Variants in MYT1L observed in about 807,000 individuals in gnomAD.
MYT1L encodes myelin transcription factor 1 like, also known as myelin transcription factor 1-like protein.
In MYT1L, 12 loss-of-function variants were observed where a neutral mutation model predicts 126.7. The observed-to-expected ratio is 0.09, with a 90% CI of 0.06 to 0.15. The LOEUF (loss-of-function observed/expected upper bound fraction) is 0.15, where lower values mean the gene tolerates loss of function less well. Among genes scored for constraint, MYT1L ranks in the 10% least tolerant of loss-of-function variants. MYT1L has a pLI of 1.00. For synonymous variants in MYT1L, 541 were observed against 604.2 expected (o/e 0.90, Z 1.53); for missense variants, 979 against 1,585.2 (o/e 0.62, Z 6.49).
chr2:2,229,723 T>C (rs755659405), intron 2 of MYT1L, among the ~76,000 whole-genome samples: 38 of 152,266 alleles, frequency 2.5e-4, no homozygotes, highest in Middle Eastern at 3.4e-3. Flanking sequence ...TATATGTATG[T>C]ATATGCATAT....
intron 4 of MYT1L, among the ~76,000 whole-genome samples, chr2:2,042,013 C>T (rs2067607221): frequency 6.6e-6 from 1 of 152,152 alleles, no homozygotes; most frequent in Admixed American, 6.5e-5. Context: ...GTTTTGTTTT[C>T]AAGACGGTAG....
intron 2 of MYT1L, among the ~76,000 whole-genome samples, chr2:2,261,355 G>A (rs867858313): frequency 7.9e-5 from 12 of 152,004 alleles, no homozygotes; most frequent in Admixed American, 2.0e-4. Flanking sequence ...TAGACAAATC[G>A]GAAATGAAGA....
chr2:1,988,207 C>T (rs2061199128), intron 5 of MYT1L, among the ~76,000 whole-genome samples: 2 of 152,068 alleles, frequency 1.3e-5, no homozygotes, highest in South Asian at 2.1e-4. Context: ...AACGGTGCCA[C>T]ATTCCAACCC....
At chr2:2,314,542 C>CT (rs1045522421) in intron 1 of MYT1L, among the ~76,000 whole-genome samples, 4 of 152,186 alleles carry the variant, frequency 2.6e-5, no homozygotes, top group African/African-American at 9.6e-5. Flanking sequence ...TCTGTGATTT[C>CT]TTTTTTTAAA....
intron 3 of MYT1L, among the ~76,000 whole-genome samples, chr2:2,116,356 C>A (rs1411939179): frequency 6.6e-6 from 1 of 152,206 alleles, no homozygotes; most frequent in South Asian, 2.1e-4. Context: ...AGATGTTCTT[C>A]CCAACCTGCA....
intron 3 of MYT1L, among the ~76,000 whole-genome samples, chr2:2,060,092 A>T (rs371249592): frequency 4.6e-5 from 7 of 152,226 alleles, no homozygotes; most frequent in Non-Finnish European, 8.8e-5. Flanking sequence ...ACAAACTTCT[A>T]TCTGTCATCT....
intron 8 of MYT1L, among the ~76,000 whole-genome samples, chr2:1,952,088 G>T (rs2057808500): frequency 6.6e-6 from 1 of 152,088 alleles, no homozygotes; most frequent in Non-Finnish European, 1.5e-5. Flanking sequence ...AGGCATAGCT[G>T]ATTTGAAAAC....
chr2:2,299,011 C>T (rs1203197957), intron 1 of MYT1L, among the ~76,000 whole-genome samples: 1 of 152,168 alleles, frequency 6.6e-6, no homozygotes, highest in Non-Finnish European at 1.5e-5. Context: ...CACCACCACA[C>T]CTGGCTAATT....
At chr2:2,315,949 G>A (rs532511675) in intron 1 of MYT1L, among the ~76,000 whole-genome samples, 1 of 151,964 alleles carries the variant, frequency 6.6e-6, no homozygotes, top group Non-Finnish European at 1.5e-5. Flanking sequence ...ATTTTCATAT[G>A]AGAAGCATTT....
intron 19 of MYT1L, among the ~76,000 whole-genome samples, chr2:1,845,165 G>C (rs2042331857): frequency 6.6e-6 from 1 of 152,068 alleles, no homozygotes; most frequent in South Asian, 2.1e-4. Context: ...TTTTAGTAGA[G>C]ATGACGTTTC....
intron 2 of MYT1L, among the ~76,000 whole-genome samples, chr2:2,179,283 T>C (rs916191690): frequency 1.3e-5 from 2 of 152,122 alleles, no homozygotes; most frequent in Admixed American, 1.3e-4. Context: ...CCCAGATAAA[T>C]CCCAGTCAGA....
chr2:1,814,402 G>A (rs2037309033), intron 21 of MYT1L, among the ~76,000 whole-genome samples: 1 of 152,200 alleles, frequency 6.6e-6, no homozygotes, highest in Non-Finnish European at 1.5e-5. Context: ...ACGTGGACAT[G>A]GGCGGTTCCC....
At chr2:1,965,998 G>C (rs1047490391) in intron 8 of MYT1L, among the ~76,000 whole-genome samples, 2 of 152,276 alleles carry the variant, frequency 1.3e-5, no homozygotes, top group African/African-American at 4.8e-5. Flanking sequence ...CTGCACTGCG[G>C]CTCTGCCTGC....
chr2:2,136,318 A>G (rs1192852845), intron 3 of MYT1L, among the ~76,000 whole-genome samples: 1 of 152,198 alleles, frequency 6.6e-6, no homozygotes, highest in Admixed American at 6.6e-5. Flanking sequence ...GAAAGAGTTA[A>G]TATGTTACCA....
intron 2 of MYT1L, among the ~76,000 whole-genome samples, chr2:2,206,415 T>A (rs556815641): frequency 6.6e-6 from 1 of 152,196 alleles, no homozygotes; most frequent in Non-Finnish European, 1.5e-5. Context: ...AAAACGTCCA[T>A]GATATTAGAA....
At chr2:1,985,014 C>T (rs1286402495) in intron 5 of MYT1L, among the ~76,000 whole-genome samples, 1 of 152,134 alleles carries the variant, frequency 6.6e-6, no homozygotes, top group Non-Finnish European at 1.5e-5. Flanking sequence ...TCTCCCCTCC[C>T]CGACAGAGTC....
At chr2:2,051,570 T>A (rs919451923) in intron 4 of MYT1L, among the ~76,000 whole-genome samples, 1 of 152,148 alleles carries the variant, frequency 6.6e-6, no homozygotes, top group African/African-American at 2.4e-5. Flanking sequence ...ACCTAAGAAA[T>A]TACTACTAGA....
chr2:1,853,186 C>T (rs1056016280), intron 18 of MYT1L, among the ~76,000 whole-genome samples: 7 of 152,256 alleles, frequency 4.6e-5, no homozygotes, highest in East Asian at 1.9e-4. Context: ...GACCTGCTCC[C>T]GGGGAGAATG....
chr2:1,984,395 CTA>C lies in MYT1L; in HGVS notation c.1-4620_1-4619del, dbSNP rs1430741521. Among the ~76,000 whole-genome samples, 8 of 152,030 alleles carry C rather than the reference CTA, an allele frequency of 5.3e-5. No homozygotes were observed. The East Asian group carries it at 1.2e-3, about 22-fold the overall frequency. Reference sequence around the variant, plus strand: ...AATTATTTGTAGAGCCAGGATCTCACTATGTTTCCCAGGCTGGTCTTGAACTC... The same window carrying C: ...AATTATTTGTAGAGCCAGGATCTCACTGTTTCCCAGGCTGGTCTTGAACTC... On this transcript the variant is annotated intron_variant, in intron 5 of 24. Transcript: ENST00000647738.
Sources: allele counts gnomAD v4.1 joint callset (sites outside exome capture counted in the v4.1 genomes callset), GRCh38; gene constraint gnomAD v4.1.1; transcripts MANE v1.5; gene names NCBI Gene and HGNC (gene_info 2026-07-23, HGNC 2026-07-21).